The following DIS3L2 variants were observed in gnomAD, a reference collection of about 807,000 sequenced individuals.
DIS3L2 encodes the protein DIS3-like exonuclease 2.
DIS3L2 carries 34 observed loss-of-function variants against 97.5 expected under a neutral mutation model. The ratio of observed to expected loss-of-function variants is 0.35; its 90% CI spans 0.27 to 0.46. DIS3L2 has a LOEUF of 0.46. DIS3L2 is among the 20% of genes least tolerant of loss of function. The probability of loss-of-function intolerance (pLI) is 1.00; values close to 1 mark genes in which losing one functional copy is unlikely to be tolerated. For synonymous variants in DIS3L2, 435 were observed against 445.2 expected, an observed-to-expected ratio of 0.98 and a Z score of 0.29; for missense variants, 1,038 against 1,146.0, an observed-to-expected ratio of 0.91 and a Z score of 1.36.
At chr2:232,211,499 T>A (rs1407368880) in intron 10 of DIS3L2, among the ~76,000 whole-genome samples, 2 of 152,216 alleles carry the variant, frequency 1.3e-5, no homozygotes, top group Non-Finnish European at 2.9e-5. Context: ...TTTTACCTAC[T>A]TCTTGCCCCT....
intron 16 of DIS3L2, among the ~76,000 whole-genome samples, chr2:232,332,888 G>C (rs527760708): frequency 4.6e-4 from 70 of 152,272 alleles, no homozygotes; most frequent in African/African-American, 1.5e-3. Context: ...GCCTAGGCTG[G>C]AGAGGAAGCT....
At chr2:232,154,393 C>T (rs191263688) in intron 8 of DIS3L2, among the ~76,000 whole-genome samples, 47 of 11,696 alleles carry the variant, frequency 4.0e-3, no homozygotes, top group Non-Finnish European at 7.6e-3. Context: ...TGTAGATGTC[C>T]TTTCTGGTTG....
intron 1 of DIS3L2, among the ~76,000 whole-genome samples, chr2:231,981,580 G>A (rs1193777400): frequency 9.1e-6 from 1 of 110,130 alleles, no homozygotes; most frequent in Non-Finnish European, 1.7e-5. Flanking sequence ...TGTCAGTAAT[G>A]TTATACTGTT....
intron 1 of DIS3L2, among the ~76,000 whole-genome samples, chr2:232,008,544 C>T (rs149713489): frequency 1.2e-3 from 185 of 152,242 alleles, no homozygotes; most frequent in African/African-American, 3.8e-3. Context: ...GCACTCCACA[C>T]GCCAACAAAA....
At chr2:231,962,981 A>G (rs573848079) in intron 1 of DIS3L2, among the ~76,000 whole-genome samples, 59 of 151,314 alleles carry the variant, frequency 3.9e-4, no homozygotes, top group African/African-American at 1.4e-3. Flanking sequence ...CCAGTCCACC[A>G]TTGATGGTCA....
At chr2:232,116,347 TG>T (rs1697710801) in intron 6 of DIS3L2, among the ~76,000 whole-genome samples, 1 of 152,184 alleles carries the variant, frequency 6.6e-6, no homozygotes, top group African/African-American at 2.4e-5. Flanking sequence ...TTTATTCAGT[TG>T]AGTAATGAAG....
chr2:232,013,440 A>G (rs1645114112), intron 1 of DIS3L2, among the ~76,000 whole-genome samples: 1 of 152,196 alleles, frequency 6.6e-6, no homozygotes, highest in Admixed American at 6.5e-5. Flanking sequence ...ACTCTATCCA[A>G]ATGGAATTAA....
At position 232,086,634 on chromosome 2, in the gene DIS3L2, T is replaced by TATATATGTGTGTATATATATATATACAC. The variant is rs1559613405; in HGVS notation, c.367-847_367-846insGTGTGTATATATATATATACACATATAT. On this transcript the variant is annotated intron_variant, in intron 5 of 20. Transcript: ENST00000325385. ...GTGTGTATATATATATATATACACA[T>TATATATGTGTGTATATATATATATACAC]ATATATATATGTATATATATATATA... Among the ~76,000 whole-genome samples, 10 of 63,788 alleles carry TATATATGTGTGTATATATATATATACAC rather than the reference T, an allele frequency of 1.6e-4. 1 individual carries two copies. The East Asian group carries it at 2.7e-3, about 17-fold the overall frequency. The allele number at this position is 63,788 out of a possible 152,430, so 41.8% of individuals were successfully genotyped here.
chr2:232,217,411 G>A (rs1187524466), intron 10 of DIS3L2, among the ~76,000 whole-genome samples: 3 of 152,222 alleles, frequency 2.0e-5, no homozygotes, highest in Non-Finnish European at 2.9e-5. Context: ...CAAGCAATTA[G>A]TTCTGCAGCA....
chr2:232,209,291 CTA>C (rs971570648), intron 9 of DIS3L2, among the ~76,000 whole-genome samples: 4 of 152,106 alleles, frequency 2.6e-5, no homozygotes, highest in African/African-American at 9.7e-5. Context: ...GGGTCTCGCT[CTA>C]TTGTCCAGGC....
chr2:232,254,686 A>G (rs1378576408), intron 12 of DIS3L2, among the ~76,000 whole-genome samples: 1 of 152,172 alleles, frequency 6.6e-6, no homozygotes, highest in Non-Finnish European at 1.5e-5. Flanking sequence ...CTAAAATATG[A>G]GGGTCATAAA....
chr2:232,005,618 C>T (rs1036031385), intron 1 of DIS3L2, among the ~76,000 whole-genome samples: 33 of 152,174 alleles, frequency 2.2e-4, no homozygotes, highest in Non-Finnish European at 4.3e-4. Context: ...AGTTACTTGT[C>T]CAGATTCCTA....
intron 9 of DIS3L2, among the ~76,000 whole-genome samples, chr2:232,182,495 A>T (rs1361280396): frequency 6.6e-6 from 1 of 151,872 alleles, no homozygotes; most frequent in South Asian, 2.1e-4. Context: ...TTTATTTTTT[A>T]TCTCTGTTAC....
At chr2:232,028,355 G>A (rs1694716292) in intron 4 of DIS3L2, among the ~76,000 whole-genome samples, 1 of 152,122 alleles carries the variant, frequency 6.6e-6, no homozygotes, top group African/African-American at 2.4e-5. Flanking sequence ...TTAATATTGA[G>A]CAGTTCCCAA....
At chr2:231,988,354 T>G (rs3100621) in intron 1 of DIS3L2, among the ~76,000 whole-genome samples, 120,085 of 152,186 alleles carry the variant, frequency 0.79, 48,215 homozygotes, top group African/African-American at 0.93. Flanking sequence ...GGAGCTAGAG[T>G]GAGGGTTGTC....
chr2:232,317,048 A>G (rs888814247), intron 14 of DIS3L2, among the ~76,000 whole-genome samples: 14 of 152,110 alleles, frequency 9.2e-5, no homozygotes, highest in African/African-American at 3.4e-4. Flanking sequence ...AACCACCAGT[A>G]CCTCGCTGTG....
At chr2:232,121,083 G>A (rs1486684584) in intron 6 of DIS3L2, among the ~76,000 whole-genome samples, 1 of 151,986 alleles carries the variant, frequency 6.6e-6, no homozygotes, top group Non-Finnish European at 1.5e-5. Flanking sequence ...ATCCTTCACA[G>A]CCAGACTTCC....
rs151056518 is a variant in DIS3L2 at position 232,043,399 on chromosome 2, A to G, written c.366+13319A>G. ...AACCACAAGAGGACCAGGAAGTGCA[A>G]TCCTACCAAATGTCTGCAAGTAGGG... On this transcript the variant is annotated intron_variant, in intron 5 of 20. Coordinates refer to ENST00000325385, the MANE Select transcript of DIS3L2 (RefSeq NM_152383.5). 8.8e-3 allele frequency among the ~76,000 whole-genome samples: 1,346 copies of G among 152,288 alleles called. 18 individuals are homozygous for G. The highest frequency in any genetic ancestry group is 0.03 in the African/African-American group (1,260 of 41,562).
At chr2:231,996,254 A>T (rs1693727687) in intron 1 of DIS3L2, among the ~76,000 whole-genome samples, 1 of 152,148 alleles carries the variant, frequency 6.6e-6, no homozygotes, top group African/African-American at 2.4e-5. Flanking sequence ...GTATGTGGTT[A>T]TTTATTTTAT....
Sources: gnomAD v4.1 joint callset for allele counts (sites outside exome capture counted in the v4.1 genomes callset) on GRCh38, gnomAD v4.1.1 for gene constraint, MANE v1.5 for transcripts, NCBI Gene and HGNC (gene_info 2026-07-23, HGNC 2026-07-21) for gene names.